ZNF644: variants seen among roughly 807,000 people sequenced by gnomAD.
The protein encoded by ZNF644 is zinc finger motif enhancer binding protein 2.
Under a neutral mutation model 108.0 loss-of-function variants are expected in ZNF644, and 20 were observed. That is an observed-to-expected ratio of 0.19 (90% CI 0.13 to 0.27). The LOEUF (loss-of-function observed/expected upper bound fraction) is 0.27, where lower values mean the gene tolerates loss of function less well. Ranked by LOEUF, ZNF644 falls within the 10% of genes least tolerant of loss-of-function variation. The pLI, the probability that ZNF644 is intolerant of heterozygous loss-of-function variation, is 1.00. For synonymous variants in ZNF644, 542 were observed against 539.1 expected, an observed-to-expected ratio of 1.01 and a Z score of -0.08; for missense variants, 1,338 against 1,548.9, an observed-to-expected ratio of 0.86 and a Z score of 2.29.
chr1:90,917,646 C>T (rs556773234), intron 5 of ZNF644, among the ~76,000 whole-genome samples: 1 of 152,030 alleles, frequency 6.6e-6, no homozygotes, highest in Non-Finnish European at 1.5e-5. Context: ...TACAGGCACC[C>T]GCTACAAAGC....
At chr1:90,995,680 T>C (rs956533688) in intron 1 of ZNF644, among the ~76,000 whole-genome samples, 1 of 152,192 alleles carries the variant, frequency 6.6e-6, no homozygotes, top group Non-Finnish European at 1.5e-5. Context: ...ATACTGTTAA[T>C]GGTTGACCTA....
chr1:90,917,648 C>T (rs1216875345), intron 5 of ZNF644, among the ~76,000 whole-genome samples: 4 of 152,112 alleles, frequency 2.6e-5, no homozygotes, highest in African/African-American at 4.8e-5. Flanking sequence ...CAGGCACCCG[C>T]TACAAAGCCT....
At chr1:91,011,067 C>T (rs957512619) in intron 1 of ZNF644, among the ~76,000 whole-genome samples, 2 of 152,172 alleles carry the variant, frequency 1.3e-5, no homozygotes, top group Non-Finnish European at 1.5e-5. Flanking sequence ...CCCCCAAAAG[C>T]TGTTATGTGT....
chr1:90,956,175 G>GC (rs1192935623), intron 2 of ZNF644, among the ~76,000 whole-genome samples: 18 of 152,122 alleles, frequency 1.2e-4, no homozygotes, highest in African/African-American at 4.3e-4. Context: ...GGTTTGTGGT[G>GC]CCCTAAAACA....
At chr1:91,018,252 C>G (rs1357884616) in intron 1 of ZNF644, among the ~76,000 whole-genome samples, 3 of 152,182 alleles carry the variant, frequency 2.0e-5, no homozygotes, top group Non-Finnish European at 2.9e-5. Context: ...TCTCCCAAAA[C>G]TCAATGGTGT....
In ZNF644 at chr1:90,999,193, C is replaced by T. The variant is rs537698021; in HGVS notation, c.-17-16823G>A. Among the ~76,000 whole-genome samples, 9 of 152,206 alleles carry T rather than the reference C, an allele frequency of 5.9e-5. No homozygotes were observed. In the East Asian group the frequency reaches 1.4e-3, roughly 23 times the overall value. On this transcript the variant is annotated intron_variant, in intron 1 of 5. Transcript: ENST00000337393. ...ATTCAAATTCAGGAAATACAGAGAA[C>T]ACCACAAAGATACTCCTCGAGAAGA...
Position 90,937,673 on chromosome 1 carries a change from T to C in ZNF644, c.3500A>G (p.Gln1167Arg), listed in dbSNP as rs752325827. 2.5e-6 allele frequency: 4 copies of C among 1,613,988 alleles called. No homozygotes were observed. The highest frequency in any genetic ancestry group is 1.7e-4 in the Middle Eastern group (1 of 6,060). Residue 1167 changes from glutamine (Q) to arginine (R), a missense_variant, in exon 4 of 6, where the codon CAG becomes CGG. Gln to Arg is a conservative substitution (Grantham distance 43). Coordinates refer to ENST00000337393, the MANE Select transcript of ZNF644 (RefSeq NM_201269.3). ...KPELPSGKKN[Q>R]SLTLIELLKN... ...AAGAAGTTCTATGAGTGTAAGAGAC[T>C]GATTCTTTTTCCCACTGGGCAGTTC...
At chr1:90,948,878 G>A (rs1652798471) in intron 2 of ZNF644, among the ~76,000 whole-genome samples, 2 of 151,978 alleles carry the variant, frequency 1.3e-5, no homozygotes, top group South Asian at 4.2e-4. Context: ...AAATTCAAAG[G>A]TTCACAGATT....
At chr1:91,013,451 T>TCACACACACACACACACACACACA (rs10590932) in intron 1 of ZNF644, among the ~76,000 whole-genome samples, 1 of 140,054 alleles carries the variant, frequency 7.1e-6, no homozygotes, top group African/African-American at 2.6e-5. Context: ...AATCTCTCTC[T>TCACACACACACACACACACACACA]CACACACACA....
rs376546432 is a variant in ZNF644, at chr1:90,987,267, T to TA, written c.-17-4898dup. On this transcript the variant is annotated intron_variant, in intron 1 of 5. Coordinates refer to ENST00000337393, the MANE Select transcript of ZNF644 (RefSeq NM_201269.3). ...GTTGGTTTTTTTTTTTTTTTTTTTT[T>TA]AAAAAAAGATCAACAAAATCAATAA... 2.9e-3 allele frequency among the ~76,000 whole-genome samples: 314 copies of TA among 108,754 alleles called. 2 individuals carry two copies. Among genetic ancestry groups the TA allele is most frequent in the Middle Eastern group, 6.0e-3 (1 of 166 alleles). The allele number at this position is 108,754 out of a possible 152,430, so 71.3% of individuals were successfully genotyped here. A position where few individuals can be genotyped will look rare whatever the true frequency, so the allele number is the denominator to read the frequency against.
chr1:90,997,577 G>A (rs372337075), intron 1 of ZNF644, among the ~76,000 whole-genome samples: 11 of 152,002 alleles, frequency 7.2e-5, no homozygotes, highest in East Asian at 1.9e-4. Context: ...GGAGGGGGGC[G>A]GTTCCAAGAT....
In ZNF644 at chr1:90,977,231, A is replaced by G. The variant is rs145021886; in HGVS notation, c.44+5079T>C. Among the ~76,000 whole-genome samples, 407 of 152,280 alleles carry G rather than the reference A, an allele frequency of 2.7e-3. 2 individuals are homozygous for G. The highest frequency in any genetic ancestry group is 9.4e-3 in the African/African-American group (389 of 41,568). On this transcript the variant is annotated intron_variant, in intron 2 of 5. Transcript: ENST00000337393. ...GACTTAATGAACCTAATATTTAGTA[A>G]TGGCTTTTATTTTCTTTTTATTTAC...
chr1:90,991,970 T>C (rs533074482), intron 1 of ZNF644, among the ~76,000 whole-genome samples: 1 of 152,002 alleles, frequency 6.6e-6, no homozygotes, highest in South Asian at 2.1e-4. Flanking sequence ...ACAGAATATG[T>C]AGGACTGAAC....
chr1:91,019,149 C>A (rs903318752), intron 1 of ZNF644, among the ~76,000 whole-genome samples: 2 of 152,154 alleles, frequency 1.3e-5, no homozygotes, highest in Admixed American at 6.5e-5. Flanking sequence ...TAGGGTTCCA[C>A]CATAAATGAC....
At chr1:91,003,980 C>T (rs1659155918) in intron 1 of ZNF644, among the ~76,000 whole-genome samples, 1 of 151,868 alleles carries the variant, frequency 6.6e-6, no homozygotes. Flanking sequence ...AGTCAGCAAA[C>T]CTGAAAATAG....
At chr1:90,979,427 T>C (rs929177259) in intron 2 of ZNF644, among the ~76,000 whole-genome samples, 1 of 152,146 alleles carries the variant, frequency 6.6e-6, no homozygotes, top group Non-Finnish European at 1.5e-5. Flanking sequence ...GAGCTGAGAC[T>C]GTGCCATTGC....
intron 1 of ZNF644, among the ~76,000 whole-genome samples, chr1:91,017,167 T>TA (rs902304959): frequency 1.2e-4 from 19 of 152,116 alleles, no homozygotes; most frequent in Non-Finnish European, 2.2e-4. Context: ...ATTTTCAACT[T>TA]AAAAAAAAGA....
intron 1 of ZNF644, among the ~76,000 whole-genome samples, chr1:90,993,367 G>C (rs116431160): frequency 6.6e-6 from 1 of 150,790 alleles, no homozygotes; most frequent in Non-Finnish European, 1.5e-5. Flanking sequence ...AGAGAACCCA[G>C]CCAAGAGAAG....
Position 91,001,451 on chromosome 1 carries a change from T to G in ZNF644, c.-17-19081A>C, listed in dbSNP as rs981732198. Among the ~76,000 whole-genome samples, 388 of 152,238 alleles carry G rather than the reference T, an allele frequency of 2.5e-3. 2 individuals carry two copies. Among genetic ancestry groups the G allele is most frequent in the Non-Finnish European group, 3.6e-3 (244 of 68,014 alleles). On this transcript the variant is annotated intron_variant, in intron 1 of 5. Transcript: ENST00000337393. ...GACAAAAACCACATGATTATCTCAA[T>G]AGATGCAGAAAAGGCCTTCAACAAA...
Sources: gnomAD v4.1 joint callset for allele counts (sites outside exome capture counted in the v4.1 genomes callset) on GRCh38, gnomAD v4.1.1 for gene constraint, MANE v1.5 for transcripts, NCBI Gene and HGNC (gene_info 2026-07-23, HGNC 2026-07-21) for gene names.